The following BCR variants were observed in gnomAD, a reference collection of about 807,000 sequenced individuals.
BCR encodes breakpoint cluster region protein.
In BCR, 58 loss-of-function variants were observed where a neutral mutation model predicts 138.6. That is an observed-to-expected ratio of 0.42 (90% CI 0.34 to 0.52). The LOEUF (loss-of-function observed/expected upper bound fraction) is 0.52. Among genes scored for constraint, BCR ranks in the 20% least tolerant of loss-of-function variants. BCR has a pLI of 0.06. For missense variants in BCR, 1,599 were observed against 1,727.2 expected, an observed-to-expected ratio of 0.93 and a Z score of 1.32; for synonymous variants, 786 against 730.1, an observed-to-expected ratio of 1.08 and a Z score of -1.23.
At chr22:23,191,341 A>G (rs976640969) in intron 1 of BCR, among the ~76,000 whole-genome samples, 1 of 152,206 alleles carries the variant, frequency 6.6e-6, no homozygotes, top group African/African-American at 2.4e-5. Flanking sequence ...CCAATCGCTC[A>G]AAGGTATTTA....
intron 4 of BCR, chr22:23,264,287 G>T: frequency 1.1e-6 from 1 of 924,316 alleles, no homozygotes; most frequent in South Asian, 1.3e-5. Context: ...TGTACTGCCT[G>T]CATCTCACCA....
At position 23,261,015 on chromosome 22, in the gene BCR, C is replaced by T. The variant is rs774730471; in HGVS notation, c.1527C>T (p.Ser509=). The part of the protein sequence containing the change: ...RKWVLSGILA[S]EETYLSHLEA... The stretch of plus-strand genomic sequence containing the variant: ...GGGTCCTGTCGGGAATCCTGGCTAG[C>T]GAGGAGACTTACCTGAGCCACCTGG... The change falls in exon 3 of 23, where the codon AGC becomes AGT. Residue 509 remains serine (S), a synonymous_variant. Coordinates refer to ENST00000305877, the MANE Select transcript of BCR (RefSeq NM_004327.4). 1.6e-5 allele frequency: 26 copies of T among 1,613,802 alleles called. 1 individual carries two copies. Among genetic ancestry groups the T allele is most frequent in the East Asian group, 4.5e-5 (2 of 44,874 alleles).
At chr22:23,280,072 C>G (rs1369005532) in intron 8 of BCR, among the ~76,000 whole-genome samples, 1 of 152,244 alleles carries the variant, frequency 6.6e-6, no homozygotes, top group Non-Finnish European at 1.5e-5. Flanking sequence ...ATGACCTCAT[C>G]TACACCTACT....
intron 13 of BCR, chr22:23,289,919 C>A: frequency 1.9e-6 from 1 of 522,352 alleles, no homozygotes; most frequent in Admixed American, 3.3e-5. Flanking sequence ...TCTGGCCCCA[C>A]TCCCGTCCTC....
At chr22:23,263,825 G>T (rs1281812785) in intron 4 of BCR, 3 of 1,178,950 alleles carry the variant, frequency 2.5e-6, no homozygotes, top group African/African-American at 3.0e-5. Flanking sequence ...GCCAGCTGGG[G>T]TAGTGTTTAT....
intron 1 of BCR, among the ~76,000 whole-genome samples, chr22:23,215,813 G>A (rs1192221421): frequency 6.6e-6 from 1 of 152,158 alleles, no homozygotes; most frequent in African/African-American, 2.4e-5. Context: ...AGCAGCTCAG[G>A]AACTGAAGTT....
rs907233463 is a variant in BCR at position 23,211,800 on chromosome 22, A to G, written c.1279+29561A>G. ...GCTGGGATTATCTTAGAGCTTCTCA[A>G]TAGAAGTCCTATCTTCCAGGCCACA... On this transcript the variant is annotated intron_variant, in intron 1 of 22. Transcript: ENST00000305877. Among the ~76,000 whole-genome samples, 3 of 152,240 alleles carry G rather than the reference A, an allele frequency of 2.0e-5. No individual in the cohort carries two copies. The East Asian group carries it at 5.8e-4, about 29-fold the overall frequency.
intron 14 of BCR, among the ~76,000 whole-genome samples, chr22:23,291,770 A>G (rs919672889): frequency 7.2e-5 from 11 of 152,170 alleles, no homozygotes; most frequent in African/African-American, 4.8e-5. Context: ...GCCAAGCCAG[A>G]AACCGTGGTC....
At chr22:23,245,956 C>T (rs1254024863) in intron 1 of BCR, among the ~76,000 whole-genome samples, 1 of 152,160 alleles carries the variant, frequency 6.6e-6, no homozygotes, top group Non-Finnish European at 1.5e-5. Context: ...AGAAGGAAAC[C>T]CCTGCCCATT....
In BCR at chr22:23,271,524, C is replaced by G; in HGVS notation, c.1861-8C>G. 6.2e-7 allele frequency: 1 copy of G among 1,613,998 alleles called. No homozygotes were observed. Among genetic ancestry groups the G allele is most frequent in the Non-Finnish European group, 8.5e-7 (1 of 1,179,952 alleles). On this transcript the variant is annotated splice_region_variant and splice_polypyrimidine_tract_variant and intron_variant, in intron 5 of 22. Transcript: ENST00000305877. ...CATCTGTGTGAACATGCGCTTTTCT[C>G]TCTGCAGAACCTGAGAGCCAGAAGC...
intron 8 of BCR, among the ~76,000 whole-genome samples, chr22:23,280,594 C>G (rs548653854): frequency 3.9e-5 from 6 of 152,312 alleles, no homozygotes; most frequent in Non-Finnish European, 7.3e-5. Context: ...CTCACCCCAT[C>G]ATGTTTAAGG....
intron 4 of BCR, chr22:23,264,208 T>A: frequency 8.4e-7 from 1 of 1,184,814 alleles, no homozygotes; most frequent in Non-Finnish European, 1.3e-6. Context: ...GTTGTACGGC[T>A]GTGGGACCGG....
intron 6 of BCR, among the ~76,000 whole-genome samples, chr22:23,271,919 G>A (rs1301901997): frequency 2.6e-5 from 4 of 151,430 alleles, no homozygotes; most frequent in Admixed American, 2.6e-4. Context: ...TCCACTTCCC[G>A]GGTTCAAGTG....
At chr22:23,290,202 A>G in intron 13 of BCR, 137 bp from the exon 14 acceptor site, 3 of 848,214 alleles carry the variant, frequency 3.5e-6, no homozygotes, top group Non-Finnish European at 6.0e-6. Flanking sequence ...TTGGCCCATG[A>G]CACTGGCTTA....
chr22:23,246,985 C>T (rs893549963), intron 1 of BCR, among the ~76,000 whole-genome samples: 4 of 152,088 alleles, frequency 2.6e-5, no homozygotes, highest in Non-Finnish European at 2.9e-5. Flanking sequence ...GCGTGGGGTG[C>T]AGAGCCAGCT....
chr22:23,287,130 G>A (rs1372041092), intron 10 of BCR, 29 bp from the exon 11 acceptor site: 2 of 1,569,036 alleles, frequency 1.3e-6, no homozygotes, highest in Non-Finnish European at 8.7e-7. Flanking sequence ...GCTGGAATGG[G>A]AAGGTGAGGC....
At chr22:23,183,506 C>CGACCT (rs1214684532) in intron 1 of BCR, among the ~76,000 whole-genome samples, 2 of 152,152 alleles carry the variant, frequency 1.3e-5, no homozygotes, top group African/African-American at 4.8e-5. Context: ...TGCACGGCTC[C>CGACCT]GACCTGCCGT....
At chr22:23,295,217 T>G in intron 16 of BCR, 62 bp downstream of exon 16, 1 of 1,244,686 alleles carries the variant, frequency 8.0e-7, no homozygotes, top group Non-Finnish European at 1.1e-6. Context: ...ATGCAGCCCC[T>G]GGGGACACTG....
intron 1 of BCR, among the ~76,000 whole-genome samples, chr22:23,234,312 C>T (rs1481553433): frequency 2.6e-5 from 4 of 152,202 alleles, no homozygotes; most frequent in Non-Finnish European, 5.9e-5. Flanking sequence ...AAGTTATTTA[C>T]TTCATCTGTT....
Sources: allele counts gnomAD v4.1 joint callset (sites outside exome capture counted in the v4.1 genomes callset), GRCh38; gene constraint gnomAD v4.1.1; transcripts MANE v1.5; gene names NCBI Gene and HGNC (gene_info 2026-07-23, HGNC 2026-07-21).